Variants in CLIC4 observed in about 807,000 individuals in gnomAD.
CLIC4 encodes chloride intracellular channel protein 4.
In CLIC4, 13 loss-of-function variants were observed where a neutral mutation model predicts 24.6. The observed-to-expected ratio is 0.53, with a 90% CI of 0.34 to 0.84. CLIC4 has a LOEUF of 0.84. Ranked by LOEUF, CLIC4 falls within the 40% of genes least tolerant of loss-of-function variation. The pLI is 0.01. For synonymous variants in CLIC4, 104 were observed against 111.3 expected (o/e 0.93, Z 0.41); for missense variants, 227 against 301.7 (o/e 0.75, Z 1.83).
chr1:24,837,253 C>A (rs945729817), intron 4 of CLIC4, among the ~76,000 whole-genome samples: 2 of 151,980 alleles, frequency 1.3e-5, no homozygotes, highest in African/African-American at 4.8e-5. Flanking sequence ...TGCTACAGAT[C>A]TTACATTAAA....
chr1:24,799,404 C>A (rs1341902263), intron 2 of CLIC4, among the ~76,000 whole-genome samples: 2 of 150,342 alleles, frequency 1.3e-5, no homozygotes, highest in Middle Eastern at 3.3e-3. Context: ...AGGAGACCCT[C>A]TGCCTGGCAA....
chr1:24,757,566 C>A (rs1638867380), intron 1 of CLIC4, among the ~76,000 whole-genome samples: 1 of 151,818 alleles, frequency 6.6e-6, no homozygotes, highest in Non-Finnish European at 1.5e-5. Context: ...ATAGTGAGAC[C>A]CTGTCTCTAC....
chr1:24,821,037 T>C (rs1428115145), intron 3 of CLIC4, among the ~76,000 whole-genome samples: 3 of 151,934 alleles, frequency 2.0e-5, no homozygotes, highest in African/African-American at 7.3e-5. Flanking sequence ...ATACAAAAAT[T>C]AGCTGGATAT....
At chr1:24,775,168 T>C (rs1181395159) in intron 1 of CLIC4, among the ~76,000 whole-genome samples, 1 of 151,670 alleles carries the variant, frequency 6.6e-6, no homozygotes, top group Non-Finnish European at 1.5e-5. Flanking sequence ...TTGTATGCAA[T>C]GTGTTGTTTT....
chr1:24,748,406 C>A (rs191651797), intron 1 of CLIC4, among the ~76,000 whole-genome samples: 1 of 151,038 alleles, frequency 6.6e-6, no homozygotes, highest in Non-Finnish European at 1.5e-5. Context: ...ACTCTTTAAG[C>A]CTTGTTTGTC....
intron 1 of CLIC4, among the ~76,000 whole-genome samples, chr1:24,757,511 A>G (rs1254640857): frequency 2.0e-5 from 3 of 152,112 alleles, no homozygotes; most frequent in African/African-American, 7.2e-5. Flanking sequence ...AGGCTGGGGC[A>G]GGAGGATCAT....
intron 3 of CLIC4, among the ~76,000 whole-genome samples, chr1:24,821,780 C>CGCCGTGTTACCCAA (rs1206484173): frequency 6.6e-6 from 1 of 152,062 alleles, no homozygotes; most frequent in Non-Finnish European, 1.5e-5. Context: ...AACAGGGTCT[C>CGCCGTGTTACCCAA]GCCGTGTTAC....
At chr1:24,807,406 C>T (rs951578882) in intron 2 of CLIC4, among the ~76,000 whole-genome samples, 2 of 151,984 alleles carry the variant, frequency 1.3e-5, no homozygotes, top group Non-Finnish European at 2.9e-5. Flanking sequence ...AGGGTGCGCT[C>T]TTACACATGG....
intron 1 of CLIC4, among the ~76,000 whole-genome samples, chr1:24,765,019 C>T (rs1249309977): frequency 6.6e-6 from 1 of 152,180 alleles, no homozygotes; most frequent in Non-Finnish European, 1.5e-5. Context: ...GCGTACTATA[C>T]ACAATTATCT....
rs574073260 is a variant in CLIC4 at position 24,769,621 on chromosome 1, T to C, written c.72+23996T>C. On this transcript the variant is annotated intron_variant, in intron 1 of 5. Coordinates refer to ENST00000374379, the MANE Select transcript of CLIC4 (RefSeq NM_013943.3). The stretch of plus-strand genomic sequence containing the variant: ...AGAATTTCTTATGTTCTGTTTTCAG[T>C]CACCCTGAAAAAAAAATTCTGAGAA... Among the ~76,000 whole-genome samples, 13 of 152,222 alleles carry C rather than the reference T, an allele frequency of 8.5e-5. No individual in the cohort carries two copies. The East Asian group carries it at 1.3e-3, about 16-fold the overall frequency.
chr1:24,809,894 T>G lies in CLIC4; in HGVS notation c.183-4200T>G, dbSNP rs548758779. Among the ~76,000 whole-genome samples, 4 of 152,368 alleles carry G rather than the reference T, an allele frequency of 2.6e-5. No individual in the cohort carries two copies. In the South Asian group the frequency reaches 8.3e-4, roughly 32 times the overall value. ...AGGAGGCAGAAACATTCTTTGAAAC[T>G]ATATGTTGTTGTATTACTTTTCTTG... On this transcript the variant is annotated intron_variant, in intron 2 of 5. Transcript: ENST00000374379.
At chr1:24,828,319 T>A (rs1049672295) in intron 4 of CLIC4, among the ~76,000 whole-genome samples, 13 of 152,174 alleles carry the variant, frequency 8.5e-5, no homozygotes, top group African/African-American at 3.1e-4. Context: ...GTTAATAATG[T>A]ATTCCAGTAG....
At chr1:24,777,672 C>T (rs1639157397) in intron 1 of CLIC4, among the ~76,000 whole-genome samples, 2 of 152,024 alleles carry the variant, frequency 1.3e-5, no homozygotes, top group East Asian at 3.8e-4. Context: ...ATTGTCGCTA[C>T]CTATACATGG....
chr1:24,779,392 C>A (rs944820197), intron 1 of CLIC4, among the ~76,000 whole-genome samples: 7 of 152,122 alleles, frequency 4.6e-5, no homozygotes, highest in Admixed American at 2.0e-4. Context: ...ATCGCTTGAA[C>A]CCAGGAGGTC....
intron 1 of CLIC4, among the ~76,000 whole-genome samples, chr1:24,757,289 G>T (rs190539357): frequency 6.6e-6 from 1 of 152,086 alleles, no homozygotes; most frequent in Admixed American, 6.6e-5. Flanking sequence ...CCTTGACCTC[G>T]CAAAGTGTTG....
intron 2 of CLIC4, among the ~76,000 whole-genome samples, chr1:24,804,810 C>G (rs1408810105): frequency 6.6e-6 from 1 of 151,924 alleles, no homozygotes; most frequent in African/African-American, 2.4e-5. Flanking sequence ...ATTATAGACT[C>G]TATATTTGGG....
At chr1:24,764,377 G>A (rs1336948619) in intron 1 of CLIC4, among the ~76,000 whole-genome samples, 1 of 151,664 alleles carries the variant, frequency 6.6e-6, no homozygotes. Context: ...TGGGATTACA[G>A]GTGTGAGCCA....
chr1:24,835,540 G>A (rs767827779), intron 4 of CLIC4, among the ~76,000 whole-genome samples: 3 of 152,196 alleles, frequency 2.0e-5, no homozygotes, highest in African/African-American at 7.2e-5. Flanking sequence ...TCCAGCCTGG[G>A]CGACAGAGTG....
chr1:24,784,289 A>C (rs1352539402), intron 1 of CLIC4, among the ~76,000 whole-genome samples: 1 of 152,126 alleles, frequency 6.6e-6, no homozygotes, highest in Non-Finnish European at 1.5e-5. Flanking sequence ...AGTTCTCCCA[A>C]CTATCCAATG....
Sources: allele counts gnomAD v4.1 joint callset (sites outside exome capture counted in the v4.1 genomes callset), GRCh38; gene constraint gnomAD v4.1.1; transcripts MANE v1.5; gene names NCBI Gene and HGNC (gene_info 2026-07-23, HGNC 2026-07-21).